Variants in SYT1 observed in about 807,000 individuals in gnomAD.
SYT1 encodes the protein synaptotagmin 1, also known as synaptotagmin-1.
Under a neutral mutation model 44.8 loss-of-function variants are expected in SYT1, and 8 were observed. That is an observed-to-expected ratio of 0.18 (90% CI 0.10 to 0.32). The LOEUF (loss-of-function observed/expected upper bound fraction) is 0.32. Among genes scored for constraint, SYT1 ranks in the 10% least tolerant of loss-of-function variants. The pLI is 1.00. For synonymous variants in SYT1, 154 were observed against 188.8 expected (o/e 0.82, Z 1.51); for missense variants, 286 against 509.3 (o/e 0.56, Z 4.22).
At chr12:79,390,601 T>C (rs2136092606) in intron 9 of SYT1, among the ~76,000 whole-genome samples, 1 of 152,234 alleles carries the variant, frequency 6.6e-6, no homozygotes, top group African/African-American at 2.4e-5. Flanking sequence ...ACCCACTGAC[T>C]CCCCGCCATG....
At chr12:79,050,683 C>A (rs772481875) in intron 3 of SYT1, among the ~76,000 whole-genome samples, 1 of 151,958 alleles carries the variant, frequency 6.6e-6, no homozygotes, top group Non-Finnish European at 1.5e-5. Context: ...CCTGAAAAAA[C>A]AAATATAGCA....
intron 9 of SYT1, among the ~76,000 whole-genome samples, chr12:79,373,971 T>C (rs1883893581): frequency 1.3e-5 from 2 of 152,204 alleles, no homozygotes; most frequent in Non-Finnish European, 2.9e-5. Flanking sequence ...TGGTTACAAT[T>C]AAATAACATA....
In SYT1 at chr12:79,278,941, C is replaced by A. The variant is rs1009314232; in HGVS notation, c.167-6846C>A. The stretch of plus-strand genomic sequence containing the variant: ...AAATTCCTAAAAACATATAGCCCCC[C>A]CAAGCCTGAATCAGGAAGAAATAGA... On this transcript the variant is annotated intron_variant, in intron 4 of 10. Transcript: ENST00000261205. 6.6e-5 allele frequency among the ~76,000 whole-genome samples: 10 copies of A among 151,562 alleles called. No homozygotes were observed. In the South Asian group the frequency reaches 1.7e-3, roughly 25 times the overall value.
intron 3 of SYT1, among the ~76,000 whole-genome samples, chr12:79,076,280 G>A (rs1421896404): frequency 6.6e-6 from 1 of 152,064 alleles, no homozygotes; most frequent in African/African-American, 2.4e-5. Context: ...TAGAATGAGG[G>A]TTTTATGACC....
rs908213118 is a variant in SYT1 at position 79,381,975 on chromosome 12, G to A, written c.928+28356G>A. ...ACTTCCCTGACAGATAGGTTTTTAC[G>A]TGAGAATGGAGCATGATGAGCCTAG... On this transcript the variant is annotated intron_variant, in intron 9 of 10. Transcript: ENST00000261205. 2.0e-5 allele frequency among the ~76,000 whole-genome samples: 3 copies of A among 152,142 alleles called. No homozygotes were observed. In the East Asian group the frequency reaches 5.8e-4, roughly 29 times the overall value.
intron 4 of SYT1, among the ~76,000 whole-genome samples, chr12:79,252,011 A>ATAGATAG (rs2138696276): frequency 2.7e-5 from 2 of 72,820 alleles, no homozygotes; most frequent in East Asian, 2.6e-4. Context: ...TAGATAGATA[A>ATAGATAG]TATATAGACA....
chr12:79,226,265 A>G (rs533783734), intron 4 of SYT1, among the ~76,000 whole-genome samples: 2 of 151,930 alleles, frequency 1.3e-5, no homozygotes, highest in East Asian at 3.9e-4. Context: ...TTTGGTCACA[A>G]CTCCTCCATC....
intron 1 of SYT1, among the ~76,000 whole-genome samples, chr12:78,904,251 T>C (rs1426218908): frequency 6.6e-6 from 1 of 152,172 alleles, no homozygotes; most frequent in Non-Finnish European, 1.5e-5. Flanking sequence ...AAATTGGTCA[T>C]GATCTGCATA....
chr12:78,903,669 A>G (rs1041237015), intron 1 of SYT1, among the ~76,000 whole-genome samples: 6 of 152,240 alleles, frequency 3.9e-5, no homozygotes, highest in African/African-American at 1.4e-4. Context: ...TGCATTCTAT[A>G]AAAAGGTTTT....
chr12:78,902,279 A>G (rs953865713), intron 1 of SYT1, among the ~76,000 whole-genome samples: 1 of 151,874 alleles, frequency 6.6e-6, no homozygotes, highest in Non-Finnish European at 1.5e-5. Context: ...TATGTGTGTA[A>G]CTATGCCCAC....
chr12:79,430,650 T>C (rs536533513), intron 9 of SYT1, among the ~76,000 whole-genome samples: 3 of 152,102 alleles, frequency 2.0e-5, no homozygotes, highest in Admixed American at 2.0e-4. Context: ...AGCCAGGTGT[T>C]GTGGTGTGCA....
At chr12:79,243,893 GA>G (rs1565871930) in intron 4 of SYT1, among the ~76,000 whole-genome samples, 3 of 151,608 alleles carry the variant, frequency 2.0e-5, no homozygotes, top group African/African-American at 7.3e-5. Context: ...AGGAAGGCAG[GA>G]AGGAAGGAAG....
intron 8 of SYT1, among the ~76,000 whole-genome samples, chr12:79,321,471 T>G (rs550933840): frequency 3.3e-5 from 5 of 152,314 alleles, no homozygotes; most frequent in African/African-American, 1.2e-4. Flanking sequence ...GGGATAACTT[T>G]AAAAGGTGCC....
chr12:79,259,169 C>A (rs2138722537), intron 4 of SYT1, among the ~76,000 whole-genome samples: 1 of 152,264 alleles, frequency 6.6e-6, no homozygotes, highest in East Asian at 1.9e-4. Flanking sequence ...TCTGTCCTCT[C>A]CCTTGTACTC....
intron 3 of SYT1, among the ~76,000 whole-genome samples, chr12:79,122,047 A>C (rs1182028494): frequency 6.6e-6 from 1 of 152,244 alleles, no homozygotes. Flanking sequence ...TTTTTGAAGT[A>C]GATGTCTTCT....
At chr12:78,954,544 A>G (rs919113442) in intron 1 of SYT1, among the ~76,000 whole-genome samples, 18 of 151,836 alleles carry the variant, frequency 1.2e-4, no homozygotes, top group African/African-American at 4.1e-4. Flanking sequence ...GAGAGAGAGA[A>G]AGAGAGAAAG....
chr12:78,995,691 C>A (rs557080101), intron 2 of SYT1: 1 of 152,278 alleles, frequency 6.6e-6, no homozygotes, highest in Non-Finnish European at 1.5e-5. Flanking sequence ...TATTAAATAT[C>A]TACATCTGTT....
chr12:79,214,930 AATGTGTGTAT>A (rs2138551302), intron 3 of SYT1, among the ~76,000 whole-genome samples: 1 of 124,094 alleles, frequency 8.1e-6, no homozygotes, highest in African/African-American at 3.4e-5. Context: ...TGCCTGTAAT[AATGTGTGTAT>A]ATGTGTGTGT....
At chr12:79,289,073 C>G (rs80326113) in intron 5 of SYT1, among the ~76,000 whole-genome samples, 1 of 152,160 alleles carries the variant, frequency 6.6e-6, no homozygotes, top group African/African-American at 2.4e-5. Flanking sequence ...GAAATTCAGT[C>G]CCTTGTGCTA....
Sources: allele counts gnomAD v4.1 joint callset (sites outside exome capture counted in the v4.1 genomes callset), GRCh38; gene constraint gnomAD v4.1.1; transcripts MANE v1.5; gene names NCBI Gene and HGNC (gene_info 2026-07-23, HGNC 2026-07-21).